The following KLLN variants were observed in gnomAD, a reference collection of about 807,000 sequenced individuals.
The protein encoded by KLLN is killin, p53 regulated DNA replication inhibitor.
For missense variants in KLLN, 340 were observed against 241.3 expected (o/e 1.41, Z -2.71); for synonymous variants, 142 against 102.2 (o/e 1.39, Z -2.35).
Position 87,861,713 on chromosome 10 carries a change from G to C in KLLN, c.*238C>G. 2.2e-6 allele frequency: 1 copy of C among 456,804 alleles called. No homozygotes were observed. 28.3% of individuals were successfully genotyped at this position (456,804 alleles called of 1,614,324 possible). ...GATAAGTCACTTGGCTGAGTCCACAGTAGGTGGGGCGCGCTCACCAGCTCA... is the reference window on the plus strand; with the variant it reads ...GATAAGTCACTTGGCTGAGTCCACACTAGGTGGGGCGCGCTCACCAGCTCA... On this transcript the variant is annotated 3_prime_UTR_variant, in exon 1 of 1. Transcript: ENST00000445946.
chr10:87,862,131 G>A lies in KLLN; in HGVS notation c.357C>T (p.Leu119=), dbSNP rs540792809. ...GCCAGCCCCGACAGCGCTCCTTCGG[G>A]AGGCTGGTCCGAGCCCCTGTTTCCG... is the stretch of plus-strand genomic sequence containing the variant. The part of the protein sequence containing the change: ...AAAETGARTS[L]PKERCRGWRL... The change falls in exon 1 of 1, where the codon CTC becomes CTT. Residue 119 remains leucine, a synonymous_variant. Transcript: ENST00000445946. 28 of 1,548,808 alleles carry A rather than the reference G, an allele frequency of 1.8e-5. No individual in the cohort carries two copies. Among genetic ancestry groups the A allele is most frequent in the African/African-American group, 1.1e-4 (8 of 73,018 alleles).
rs1589593652 is a variant in KLLN, at chr10:87,863,312, A to C, written c.-825T>G. ...TGCAGCTGCAGGCTGGCGGCTGGGA[A>C]CCGGCCCGAGCAAGCCCCAGGCAGC... On this transcript the variant is annotated 5_prime_UTR_variant, in exon 1 of 1. Transcript: ENST00000445946. 1 of 269,330 alleles carries C rather than the reference A, an allele frequency of 3.7e-6. No individual in the cohort carries two copies. Among genetic ancestry groups the C allele is most frequent in the East Asian group, 6.2e-5 (1 of 16,030 alleles). 16.7% of individuals were successfully genotyped at this position (269,330 alleles called of 1,614,324 possible).
Position 87,860,237 on chromosome 10 carries a change from CTT to C in KLLN, c.*1712_*1713del. ...GCATCAGTATTTCTTTCAGAAACAA[CTT>C]AACACTAGGAACAGAAGGAGGATTT... On this transcript the variant is annotated 3_prime_UTR_variant, in exon 1 of 1. Transcript: ENST00000445946. 1 of 152,248 alleles carries C rather than the reference CTT, an allele frequency of 6.6e-6. No individual in the cohort carries two copies. The highest frequency in any genetic ancestry group is 1.5e-5 in the Non-Finnish European group (1 of 68,020). 9.4% of individuals were successfully genotyped at this position (152,248 alleles called of 1,614,324 possible).
chr10:87,862,364 C>G lies in KLLN; in HGVS notation c.124G>C (p.Asp42His). The change falls in exon 1 of 1, where the codon GAC (aspartate) becomes CAC (histidine). Residue 42 changes from aspartate to histidine, a missense_variant. By Grantham distance (81) the Asp-to-His change is moderately conservative. Transcript: ENST00000445946. ...CACCTCCTTTTGAACCCTCCTAGGT[C>G]TCCTCGCCCCGCCCACTCGCTGGGC... The part of the protein sequence containing the change: ...LQPSEWAGRG[D>H]LGGFKRRWKD... The G allele has an allele frequency of 6.4e-7, 1 of 1,551,648 alleles. No homozygotes were observed. Among genetic ancestry groups the G allele is most frequent in the Non-Finnish European group, 8.7e-7 (1 of 1,146,982 alleles).
rs1222834334 is a variant in KLLN, at chr10:87,862,453, C to T, written c.35G>A (p.Gly12Asp). The T allele has an allele frequency of 1.3e-6, 2 of 1,550,146 alleles. No individual in the cohort carries two copies. Among genetic ancestry groups the T allele is most frequent in the African/African-American group, 1.4e-5 (1 of 72,980 alleles). ...DRPGPGSARP[G>D]RTVHVWGYRV... ...GTAACCCCAAACGTGCACGGTCCGG[C>T]CGGGGCGCGCGGAGCCTGGCCCCGG... The change falls in exon 1 of 1, where the codon GGC becomes GAC. Residue 12 changes from glycine to aspartate, a missense_variant. Physicochemically the swap from Gly to Asp is moderately conservative, Grantham distance 94 (BLOSUM62 -1). Coordinates refer to ENST00000445946, the MANE Select transcript of KLLN (RefSeq NM_001126049.2).
Position 87,862,372 on chromosome 10 carries a change from C to T in KLLN, c.116G>A (p.Gly39Glu), listed in dbSNP as rs1379375561. The T allele has an allele frequency of 6.4e-7, 1 of 1,551,490 alleles. No individual in the cohort carries two copies. The highest frequency in any genetic ancestry group is 1.4e-5 in the African/African-American group (1 of 73,020). Residue 39 changes from glycine (G) to glutamate (E), a missense_variant, in exon 1 of 1, where the codon GGG becomes GAG. Coordinates refer to ENST00000445946, the MANE Select transcript of KLLN (RefSeq NM_001126049.2). ...GRKLQPSEWA[G>E]RGDLGGFKRR... ...TTTGAACCCTCCTAGGTCTCCTCGCCCCGCCCACTCGCTGGGCTGCAGCTT... is the reference window on the plus strand; with the variant it reads ...TTTGAACCCTCCTAGGTCTCCTCGCTCCGCCCACTCGCTGGGCTGCAGCTT...
In KLLN at chr10:87,861,826, G is replaced by T. The variant is rs1378853832; in HGVS notation, c.*125C>A. 11 of 859,306 alleles carry T rather than the reference G, an allele frequency of 1.3e-5. No homozygotes were observed. In the Admixed American group the frequency reaches 1.9e-4, roughly 15 times the overall value. 53.2% of individuals were successfully genotyped at this position (859,306 alleles called of 1,614,324 possible). On this transcript the variant is annotated 3_prime_UTR_variant, in exon 1 of 1. Transcript: ENST00000445946. ...ATACCCTCAAGCACAGAACCAAAAG[G>T]GTTCACCCTAAGCGGCAGGGCATCA...
chr10:87,861,974 G>A lies in KLLN; in HGVS notation c.514C>T (p.Pro172Ser). 8.2e-6 allele frequency: 12 copies of A among 1,464,840 alleles called. No individual in the cohort carries two copies. Among genetic ancestry groups the A allele is most frequent in the Non-Finnish European group, 1.1e-5 (12 of 1,107,190 alleles). 90.7% of individuals were successfully genotyped at this position (1,464,840 alleles called of 1,614,324 possible). A position where few individuals can be genotyped will look rare whatever the true frequency, so the allele number is the denominator to read the frequency against. ...PKLVPLLACY[P>S]KSKPKD is the part of the protein sequence containing the mutation. ...TCTCAGTCCTTTGGCTTGCTCTTAG[G>A]GTAGCAGGCGAGGAGTGGCACCAGT... Residue 172 changes from proline to serine, a missense_variant, in exon 1 of 1, where the codon CCT (proline) becomes TCT (serine). Coordinates refer to ENST00000445946, the MANE Select transcript of KLLN (RefSeq NM_001126049.2).
At position 87,861,862 on chromosome 10, in the gene KLLN, G is replaced by A. The variant is rs1247814230; in HGVS notation, c.*89C>T. The A allele has an allele frequency of 3.2e-6, 4 of 1,267,708 alleles. No individual in the cohort carries two copies. The highest frequency in any genetic ancestry group is 3.5e-5 in the South Asian group (2 of 57,082). 78.5% of individuals were successfully genotyped at this position (1,267,708 alleles called of 1,614,324 possible). On this transcript the variant is annotated 3_prime_UTR_variant, in exon 1 of 1. Coordinates refer to ENST00000445946, the MANE Select transcript of KLLN (RefSeq NM_001126049.2). ...AGCGGCAGGGCATCAGCGATGGAGA[G>A]GCCCGAGAGCCCTAGCGCCCAGCTC...
At position 87,859,804 on chromosome 10, in the gene KLLN, G is replaced by C. The variant is rs1173671772; in HGVS notation, c.*2147C>G. 1.3e-5 allele frequency: 2 copies of C among 152,238 alleles called. No homozygotes were observed. The highest frequency in any genetic ancestry group is 2.4e-5 in the African/African-American group (1 of 41,376). 9.4% of individuals were successfully genotyped at this position (152,238 alleles called of 1,614,324 possible). ...GCACTTTGGGAGGCCGTGGCGGGCA[G>C]ATCACGAGGTCAGGAGATCGAGACC... On this transcript the variant is annotated 3_prime_UTR_variant, in exon 1 of 1. Transcript: ENST00000445946.
Position 87,862,265 on chromosome 10 carries a change from T to G in KLLN, c.223A>C (p.Lys75Gln). 6.4e-7 allele frequency: 1 copy of G among 1,551,706 alleles called. No homozygotes were observed. The highest frequency in any genetic ancestry group is 8.7e-7 in the Non-Finnish European group (1 of 1,146,974). ...SRVSLVGELS[K>Q]FPLPSDSSGG... ...GAGCTATCACTGGGGAGTGGGAATT[T>G]GGAAAGTTCCCCAACTAGGGACACA... Residue 75 changes from lysine to glutamine, a missense_variant, in exon 1 of 1, where the codon AAA (lysine) becomes CAA (glutamine). Transcript: ENST00000445946.
Position 87,863,526 on chromosome 10 carries a change from C to T in KLLN, c.-1039G>A, listed in dbSNP as rs587779999. 6.0e-5 allele frequency: 23 copies of T among 385,562 alleles called. No homozygotes were observed. The highest frequency in any genetic ancestry group is 9.2e-5 in the Non-Finnish European group (20 of 217,408). 23.9% of individuals were successfully genotyped at this position (385,562 alleles called of 1,614,324 possible). On this transcript the variant is annotated 5_prime_UTR_variant, in exon 1 of 1. Transcript: ENST00000445946. ...CGAGGCGCCCGGGCTCCCGGCGCGG[C>T]GGCGGAGGGGGCGGGCAGGCCGGCG... is the stretch of plus-strand genomic sequence containing the variant.
In KLLN at chr10:87,862,351, A is replaced by G; in HGVS notation, c.137T>C (p.Phe46Ser). 6.4e-7 allele frequency: 1 copy of G among 1,551,524 alleles called. No homozygotes were observed. The highest frequency in any genetic ancestry group is 8.7e-7 in the Non-Finnish European group (1 of 1,146,940). ...EWAGRGDLGGFKRRWKDTRAT... is the reference protein window; with the variant it reads ...EWAGRGDLGGSKRRWKDTRAT... ...CCGTGTATCCTTCCACCTCCTTTTGAACCCTCCTAGGTCTCCTCGCCCCGC... is the reference window on the plus strand; with the variant it reads ...CCGTGTATCCTTCCACCTCCTTTTGGACCCTCCTAGGTCTCCTCGCCCCGC... The change falls in exon 1 of 1, where the codon TTC (phenylalanine) becomes TCC (serine). Residue 46 changes from phenylalanine to serine, a missense_variant. Transcript: ENST00000445946.
In KLLN at chr10:87,862,469, C is replaced by A; in HGVS notation, c.19G>T (p.Gly7Cys). 6.5e-7 allele frequency: 1 copy of A among 1,549,384 alleles called. No homozygotes were observed. The highest frequency in any genetic ancestry group is 2.4e-5 in the East Asian group (1 of 40,848). MDRPGP[G>C]SARPGRTVHV... Reference sequence around the variant, plus strand: ...ACGGTCCGGCCGGGGCGCGCGGAGCCTGGCCCCGGGCGATCCATCCTGCCG... The same window carrying A: ...ACGGTCCGGCCGGGGCGCGCGGAGCATGGCCCCGGGCGATCCATCCTGCCG... Residue 7 changes from glycine to cysteine, a missense_variant, in exon 1 of 1, where the codon GGC becomes TGC. Coordinates refer to ENST00000445946, the MANE Select transcript of KLLN (RefSeq NM_001126049.2).
rs531710639 is a variant in KLLN, at chr10:87,861,650, G to T, written c.*301C>A. The T allele has an allele frequency of 3.0e-5, 10 of 328,220 alleles. No individual in the cohort carries two copies. The highest frequency in any genetic ancestry group is 1.3e-4 in the Admixed American group (3 of 22,816). 20.3% of individuals were successfully genotyped at this position (328,220 alleles called of 1,614,324 possible). Reference sequence around the variant, plus strand: ...GGCTGTAAACAGACTTGACAGGTTTGTTCTGGGCTGACGGCCATTGACTAG... The same window carrying T: ...GGCTGTAAACAGACTTGACAGGTTTTTTCTGGGCTGACGGCCATTGACTAG... On this transcript the variant is annotated 3_prime_UTR_variant, in exon 1 of 1. Transcript: ENST00000445946.
Position 87,862,308 on chromosome 10 carries a change from A to G in KLLN, c.180T>C (p.Thr60=). 1 of 1,551,712 alleles carries G rather than the reference A, an allele frequency of 6.4e-7. No individual in the cohort carries two copies. Among genetic ancestry groups the G allele is most frequent in the South Asian group, 1.2e-5 (1 of 84,064 alleles). ...WKDTRATVGT[T]FRRRSRVSLV... ...GGGACACACGTGACCTCCTTCGGAA[A>G]GTAGTTCCGACTGTGGCCCGTGTAT... Residue 60 remains threonine (T), a synonymous_variant, in exon 1 of 1, where the codon ACT becomes ACC. Transcript: ENST00000445946.
Position 87,862,319 on chromosome 10 carries a change from C to T in KLLN, c.169G>A (p.Val57Ile). The T allele has an allele frequency of 1.3e-6, 2 of 1,551,762 alleles. No homozygotes were observed. The highest frequency in any genetic ancestry group is 1.4e-5 in the African/African-American group (1 of 73,186). ...KRRWKDTRAT[V>I]GTTFRRRSRV... ...GACCTCCTTCGGAAAGTAGTTCCGA[C>T]TGTGGCCCGTGTATCCTTCCACCTC... The change falls in exon 1 of 1, where the codon GTC becomes ATC. Residue 57 changes from valine to isoleucine, a missense_variant. Coordinates refer to ENST00000445946, the MANE Select transcript of KLLN (RefSeq NM_001126049.2).
In KLLN at chr10:87,862,704, G is replaced by C. The variant is rs1174522098; in HGVS notation, c.-217C>G. ...TTAGATAGGTGCCCTTTGGGCCCTT[G>C]AAATTCAACGGCTATGTGTTCACGT... On this transcript the variant is annotated 5_prime_UTR_variant, in exon 1 of 1. Transcript: ENST00000445946. The C allele has an allele frequency of 1.7e-6, 1 of 585,052 alleles. No homozygotes were observed. 36.2% of individuals were successfully genotyped at this position (585,052 alleles called of 1,614,324 possible). A position where few individuals can be genotyped will look rare whatever the true frequency, so the allele number is the denominator to read the frequency against.
Position 87,861,942 on chromosome 10 carries a change from T to C in KLLN, c.*9A>G. 1 of 1,454,294 alleles carries C rather than the reference T, an allele frequency of 6.9e-7. No homozygotes were observed. The allele number at this position is 1,454,294 out of a possible 1,614,324, so 90.1% of individuals were successfully genotyped here. ...AGGTCGATGTAGAGCAAGGAGTGAG[T>C]CTCAGGTCTCAGTCCTTTGGCTTGC... is the stretch of plus-strand genomic sequence containing the variant. On this transcript the variant is annotated 3_prime_UTR_variant, in exon 1 of 1. Transcript: ENST00000445946.
Sources: gnomAD v4.1 joint callset for allele counts on GRCh38, gnomAD v4.1.1 for gene constraint, MANE v1.5 for transcripts, NCBI Gene and HGNC (gene_info 2026-07-23, HGNC 2026-07-21) for gene names.